The following SPIDR variants were observed in gnomAD, a reference collection of about 807,000 sequenced individuals.
The protein encoded by SPIDR is scaffold protein involved in DNA repair.
SPIDR carries 93 observed loss-of-function variants against 104.6 expected under a neutral mutation model. That is an observed-to-expected ratio of 0.89 (90% confidence interval 0.75 to 1.06). The LOEUF (loss-of-function observed/expected upper bound fraction) is 1.06. Among genes scored for constraint, SPIDR ranks in the 50% least tolerant of loss-of-function variants. The pLI is 0.00. For missense variants in SPIDR, 1,154 were observed against 1,111.2 expected (o/e 1.04, Z -0.55); for synonymous variants, 431 against 416.9 (o/e 1.03, Z -0.41).
At chr8:47,366,650 G>T (rs561220741) in intron 5 of SPIDR, among the ~76,000 whole-genome samples, 1 of 151,292 alleles carries the variant, frequency 6.6e-6, no homozygotes, top group Non-Finnish European at 1.5e-5. Context: ...GCAGGCTGGC[G>T]CCTGGTGGTA....
chr8:47,599,166 G>T lies in SPIDR; in HGVS notation c.1514G>T (p.Ser505Ile). ...RDSTRGQQGA[S>I]SGHTDPAGTR... ...AGCACCAGGGGTCAGCAGGGGGCCA[G>T]CTCAGGACACACAGACCCAGCTGGA... Residue 505 changes from serine to isoleucine, a missense_variant, in exon 10 of 20, where the codon AGC becomes ATC. By Grantham distance (142) the Ser-to-Ile change is moderately radical (BLOSUM62 -2). Transcript: ENST00000297423. The T allele has an allele frequency of 6.2e-7, 1 of 1,613,756 alleles. No individual in the cohort carries two copies. Among genetic ancestry groups the T allele is most frequent in the African/African-American group, 1.3e-5 (1 of 75,034 alleles).
intron 8 of SPIDR, among the ~76,000 whole-genome samples, chr8:47,577,788 G>A (rs1406665236): frequency 6.6e-6 from 1 of 152,148 alleles, no homozygotes; most frequent in African/African-American, 2.4e-5. Flanking sequence ...ACATAACCTT[G>A]GAACTTGTTA....
chr8:47,630,378 C>A (rs377274638), intron 10 of SPIDR, among the ~76,000 whole-genome samples: 18 of 152,214 alleles, frequency 1.2e-4, no homozygotes, highest in African/African-American at 4.1e-4. Context: ...CTCAAAATTC[C>A]GGTGCCAGCT....
chr8:47,485,245 C>T (rs544689510), intron 8 of SPIDR, among the ~76,000 whole-genome samples: 1 of 152,222 alleles, frequency 6.6e-6, no homozygotes, highest in Non-Finnish European at 1.5e-5. Context: ...GAGCCTCGCT[C>T]ATTGCTAATA....
At chr8:47,427,634 G>T (rs1484073070) in intron 7 of SPIDR, among the ~76,000 whole-genome samples, 2 of 152,174 alleles carry the variant, frequency 1.3e-5, no homozygotes, top group South Asian at 2.1e-4. Context: ...CCTTAGGTGA[G>T]CGTCTCTGTG....
At chr8:47,732,986 A>C (rs2085511803) in intron 19 of SPIDR, among the ~76,000 whole-genome samples, 1 of 152,206 alleles carries the variant, frequency 6.6e-6, no homozygotes, top group South Asian at 2.1e-4. Context: ...GATTTTTTAA[A>C]AGAGAGCACA....
At chr8:47,673,325 G>T (rs1184622565) in intron 10 of SPIDR, 1 of 443,770 alleles carries the variant, frequency 2.3e-6, no homozygotes, top group Admixed American at 2.4e-5. Flanking sequence ...CTGTCGCAGA[G>T]AATGCCTCTT....
chr8:47,442,003 A>C (rs575987821), intron 8 of SPIDR, among the ~76,000 whole-genome samples: 50 of 152,290 alleles, frequency 3.3e-4, no homozygotes, highest in African/African-American at 1.1e-3. Flanking sequence ...GTATTTGCAC[A>C]TGCTAGTATT....
intron 10 of SPIDR, among the ~76,000 whole-genome samples, chr8:47,604,729 G>A (rs1481282547): frequency 6.6e-6 from 1 of 152,234 alleles, no homozygotes; most frequent in Non-Finnish European, 1.5e-5. Context: ...TTGCTGAGAT[G>A]AGAAAAACTA....
rs181318267 is a variant in SPIDR, at chr8:47,482,990, C to A, written c.1097+42448C>A. Among the ~76,000 whole-genome samples, 1,017 of 152,326 alleles carry A rather than the reference C, an allele frequency of 6.7e-3. 8 individuals are homozygous for A. Among genetic ancestry groups the A allele is most frequent in the Non-Finnish European group, 0.011 (767 of 68,026 alleles). The stretch of plus-strand genomic sequence containing the variant: ...AATTCCCACTTGCTGGCTGCCCCCT[C>A]CCCAAGGAAAGGCCGCCCCTCTGCC... On this transcript the variant is annotated intron_variant, in intron 8 of 19. Coordinates refer to ENST00000297423, the MANE Select transcript of SPIDR (RefSeq NM_001080394.4).
intron 8 of SPIDR, chr8:47,511,554 T>G (rs1305248456): frequency 9.0e-6 from 7 of 781,938 alleles, no homozygotes; most frequent in Admixed American, 6.8e-5. Context: ...AGCTTCTGAG[T>G]CCTCCATTAT....
Position 47,578,328 on chromosome 8 carries a change from C to T in SPIDR, c.1098-17483C>T, listed in dbSNP as rs578088439. On this transcript the variant is annotated intron_variant, in intron 8 of 19. Transcript: ENST00000297423. ...TCTACTAAAAATACAAAAAATTAGC[C>T]GGGCATGGTGGCAGGCACCTGTAAT... Among the ~76,000 whole-genome samples the T allele has an allele frequency of 5.3e-5, 8 of 152,026 alleles. No homozygotes were observed. In the East Asian group the frequency reaches 7.8e-4, roughly 15 times the overall value.
intron 7 of SPIDR, among the ~76,000 whole-genome samples, chr8:47,438,849 T>C (rs1006895280): frequency 6.6e-6 from 1 of 151,794 alleles, no homozygotes; most frequent in South Asian, 2.1e-4. Context: ...GGATGAAAAA[T>C]TTGGGGTTGA....
At chr8:47,685,501 A>ATTTT (rs1326028640) in intron 11 of SPIDR, among the ~76,000 whole-genome samples, 60 of 110,272 alleles carry the variant, frequency 5.4e-4, no homozygotes, top group Non-Finnish European at 7.8e-4. Flanking sequence ...TTATTTATTT[A>ATTTT]TTTATTTATT....
At chr8:47,429,573 A>C (rs1325699702) in intron 7 of SPIDR, among the ~76,000 whole-genome samples, 1 of 152,234 alleles carries the variant, frequency 6.6e-6, no homozygotes, top group Non-Finnish European at 1.5e-5. Context: ...TGTATAGGGC[A>C]TCCCTGAGCC....
chr8:47,403,934 T>C (rs1445867916), intron 6 of SPIDR, among the ~76,000 whole-genome samples: 1 of 152,212 alleles, frequency 6.6e-6, no homozygotes, highest in African/African-American at 2.4e-5. Context: ...GGCATCACGC[T>C]ACCTGACTTC....
rs1338718846 is a variant in SPIDR, at chr8:47,630,640, T to C, written c.1544+31444T>C. On this transcript the variant is annotated intron_variant, in intron 10 of 19. Coordinates refer to ENST00000297423, the MANE Select transcript of SPIDR (RefSeq NM_001080394.4). Reference sequence around the variant, plus strand: ...TGCCTTCTGAGAAGCGTAGTTGGCCTTTCCAGGGCAATAGGACTTAAGAGG... The same window carrying C: ...TGCCTTCTGAGAAGCGTAGTTGGCCCTTCCAGGGCAATAGGACTTAAGAGG... Among the ~76,000 whole-genome samples the C allele has an allele frequency of 5.9e-5, 9 of 152,186 alleles. No individual in the cohort carries two copies. In the South Asian group the frequency reaches 1.9e-3, roughly 31 times the overall value.
chr8:47,380,362 G>A (rs921351947), intron 5 of SPIDR, among the ~76,000 whole-genome samples: 1 of 152,100 alleles, frequency 6.6e-6, no homozygotes, highest in African/African-American at 2.4e-5. Context: ...TTTGGAGAAG[G>A]GGGTACTTTT....
At chr8:47,368,289 C>T (rs2057489436) in intron 5 of SPIDR, among the ~76,000 whole-genome samples, 1 of 122,426 alleles carries the variant, frequency 8.2e-6, no homozygotes, top group Non-Finnish European at 1.6e-5. Flanking sequence ...ACACAACATT[C>T]AGTCCATAGC....
Sources: allele counts gnomAD v4.1 joint callset (sites outside exome capture counted in the v4.1 genomes callset), GRCh38; gene constraint gnomAD v4.1.1; transcripts MANE v1.5; gene names NCBI Gene and HGNC (gene_info 2026-07-23, HGNC 2026-07-21).